Variants in NAV3 observed in about 807,000 individuals in gnomAD.
NAV3 encodes the protein pore membrane and/or filament interacting like protein 1.
A neutral mutation model predicts 244.7 loss-of-function variants in NAV3; 87 were observed. That is an observed-to-expected ratio of 0.36 (90% confidence interval 0.30 to 0.42). NAV3 has a LOEUF of 0.42. NAV3 is among the 20% of genes least tolerant of loss of function. NAV3 has a pLI of 1.00. For synonymous variants in NAV3, 1,126 were observed against 1,042.2 expected, an observed-to-expected ratio of 1.08 and a Z score of -1.55; for missense variants, 2,663 against 2,893.3, an observed-to-expected ratio of 0.92 and a Z score of 1.83.
At chr12:77,656,253 AT>A (rs1194614711) in intron 2 of NAV3, among the ~76,000 whole-genome samples, 3 of 139,226 alleles carry the variant, frequency 2.2e-5, no homozygotes, top group Non-Finnish European at 4.5e-5. Context: ...AAATAAAAGG[AT>A]GGAGGAAGAT....
At chr12:77,707,680 A>G (rs1323176116) in intron 2 of NAV3, among the ~76,000 whole-genome samples, 3 of 152,224 alleles carry the variant, frequency 2.0e-5, no homozygotes, top group Non-Finnish European at 4.4e-5. Context: ...TCCCACCAAC[A>G]GTGTAAAAGT....
In NAV3 at chr12:77,831,623, T is replaced by A. The variant is rs1208861969; in HGVS notation, c.162T>A (p.Cys54Ter). 6.2e-7 allele frequency: 1 copy of A among 1,614,064 alleles called. No homozygotes were observed. Among genetic ancestry groups the A allele is most frequent in the East Asian group, 2.2e-5 (1 of 44,864 alleles). ...LTETESSMLS[C>*]QLALKSTCEF... ...AAACAGAGAGCTCCATGCTTTCTTG[T>A]CAGCTTGCGTTAAAATCAACCTGTG... The change falls in exon 1 of 40, where the codon TGT becomes TGA. Residue 54 changes from cysteine (C) to a stop codon, truncating the protein, a stop_gained. Coordinates refer to ENST00000397909, the MANE Select transcript of NAV3 (RefSeq NM_001024383.2). LOFTEE classifies it high-confidence loss of function.
At chr12:78,073,267 T>C (rs1378291688) in intron 12 of NAV3, among the ~76,000 whole-genome samples, 4 of 134,704 alleles carry the variant, frequency 3.0e-5, no homozygotes, top group African/African-American at 1.1e-4. Context: ...GCAGACGACA[T>C]GATTGTATAT....
chr12:77,834,932 A>G (rs756737711), intron 1 of NAV3, among the ~76,000 whole-genome samples: 1 of 152,222 alleles, frequency 6.6e-6, no homozygotes, highest in Non-Finnish European at 1.5e-5. Context: ...CGAACAAGGT[A>G]GTTATATTAG....
chr12:78,028,221 G>A (rs183596413), intron 9 of NAV3, among the ~76,000 whole-genome samples: 159 of 152,168 alleles, frequency 1.0e-3, no homozygotes, highest in South Asian at 2.7e-3. Context: ...TCAGTGTCAC[G>A]GTGTACACAT....
At chr12:77,712,183 C>A (rs74106516) in intron 2 of NAV3, among the ~76,000 whole-genome samples, 17 of 152,040 alleles carry the variant, frequency 1.1e-4, no homozygotes, top group African/African-American at 4.1e-4. Context: ...CCTTTCAGAG[C>A]GAAAGGGTTA....
At chr12:77,576,991 T>C (rs1295182754) in intron 2 of NAV3, among the ~76,000 whole-genome samples, 9 of 152,150 alleles carry the variant, frequency 5.9e-5, no homozygotes, top group Non-Finnish European at 1.0e-4. Context: ...GAATGAATTG[T>C]AGTGTCAGTT....
chr12:78,018,030 G>T lies in NAV3; in HGVS notation c.1908-3717G>T, dbSNP rs575512624. On this transcript the variant is annotated intron_variant, in intron 8 of 39. Coordinates refer to ENST00000397909, the MANE Select transcript of NAV3 (RefSeq NM_001024383.2). Reference sequence around the variant, plus strand: ...AATATAAAGCAAGGATGACTTCTAAGTCCTTTTTACAGTGATTTGAAGTTT... The same window carrying T: ...AATATAAAGCAAGGATGACTTCTAATTCCTTTTTACAGTGATTTGAAGTTT... 2.0e-5 allele frequency among the ~76,000 whole-genome samples: 3 copies of T among 152,246 alleles called. No homozygotes were observed. The East Asian group carries it at 5.8e-4, about 29-fold the overall frequency.
intron 16 of NAV3, among the ~76,000 whole-genome samples, chr12:78,125,202 T>A (rs1246497783): frequency 6.6e-6 from 1 of 152,016 alleles, no homozygotes; most frequent in Non-Finnish European, 1.5e-5. Flanking sequence ...AGAGAGAAAA[T>A]GTGTTAATGT....
At chr12:78,148,695 G>A (rs966810614) in intron 21 of NAV3, 147 bp from the exon 22 acceptor site, 10 of 632,368 alleles carry the variant, frequency 1.6e-5, no homozygotes, top group Non-Finnish European at 2.2e-5. Flanking sequence ...TGTGGAGTCA[G>A]TGTTCATATC....
chr12:77,991,960 G>A (rs1871515604), intron 5 of NAV3, among the ~76,000 whole-genome samples: 1 of 152,052 alleles, frequency 6.6e-6, no homozygotes, highest in Non-Finnish European at 1.5e-5. Flanking sequence ...GAACCCAGGA[G>A]GTGGAGGTTG....
intron 5 of NAV3, among the ~76,000 whole-genome samples, chr12:77,988,846 T>A (rs1028903759): frequency 6.6e-6 from 1 of 152,188 alleles, no homozygotes; most frequent in African/African-American, 2.4e-5. Flanking sequence ...CTCACCTGGT[T>A]TGTTACTAAT....
intron 12 of NAV3, among the ~76,000 whole-genome samples, chr12:78,109,728 T>G (rs555918666): frequency 6.6e-6 from 1 of 151,412 alleles, no homozygotes; most frequent in Non-Finnish European, 1.5e-5. Context: ...CAGAAAAAAA[T>G]TTTTGATAAA....
chr12:77,806,321 C>G (rs1351921501), intron 2 of NAV3, among the ~76,000 whole-genome samples: 1 of 152,184 alleles, frequency 6.6e-6, no homozygotes, highest in East Asian at 1.9e-4. Flanking sequence ...AAATTCCCCT[C>G]TAAACACTGC....
Position 78,007,093 on chromosome 12 carries a change from A to G in NAV3, c.1555A>G (p.Ser519Gly), listed in dbSNP as rs1464334780. ...CAAGACAACAGCAGCTAAGAAGGAA[A>G]GCTTAATTCCGTCTTCCAGTGGTAT... ...GSKTTAAKKESLIPSSSGIPK... is the reference protein window; with the variant it reads ...GSKTTAAKKEGLIPSSSGIPK... Residue 519 changes from serine (S) to glycine (G), a missense_variant, in exon 8 of 40, where the codon AGC becomes GGC. Ser to Gly is a moderately conservative substitution (Grantham distance 56). Around this residue, in one of 6 missense-constraint regions of NAV3, gnomAD observed 1,521 missense variants for 1,497.0 expected, o/e 1.02. Transcript: ENST00000397909. The G allele has an allele frequency of 1.9e-6, 3 of 1,614,198 alleles. No homozygotes were observed. Among genetic ancestry groups the G allele is most frequent in the Non-Finnish European group, 2.5e-6 (3 of 1,180,030 alleles).
chr12:78,106,719 C>T (rs1326834961), intron 12 of NAV3, among the ~76,000 whole-genome samples: 1 of 152,162 alleles, frequency 6.6e-6, no homozygotes, highest in Non-Finnish European at 1.5e-5. Flanking sequence ...CCCACTGCTG[C>T]AGCTACCAGC....
chr12:78,206,773 C>T (rs142632945), intron 39 of NAV3, among the ~76,000 whole-genome samples: 86 of 151,458 alleles, frequency 5.7e-4, no homozygotes, highest in African/African-American at 2.0e-3. Context: ...TGGTAAAAGA[C>T]GTCATCTAAA....
Position 77,831,846 on chromosome 12 carries a change from T to C in NAV3, c.243+142T>C, listed in dbSNP as rs1441024032. The stretch of plus-strand genomic sequence containing the variant: ...TAAGTAGTTATAATGGCTGAAAAGC[T>C]GAATATTTAGCTTATGTAAACACTG... On this transcript the variant is annotated intron_variant, in intron 1 of 39. Coordinates refer to ENST00000397909, the MANE Select transcript of NAV3 (RefSeq NM_001024383.2). 5 of 969,598 alleles carry C rather than the reference T, an allele frequency of 5.2e-6. No individual in the cohort carries two copies. In the East Asian group the frequency reaches 1.4e-4, roughly 27 times the overall value. 60.1% of individuals were successfully genotyped at this position (969,598 alleles called of 1,614,324 possible).
At chr12:77,821,338 A>G (rs1267821417) in intron 2 of NAV3, among the ~76,000 whole-genome samples, 1 of 152,224 alleles carries the variant, frequency 6.6e-6, no homozygotes, top group Non-Finnish European at 1.5e-5. Context: ...TAGGCTAATT[A>G]TAGTGTTACC....
Sources: gnomAD v4.1 joint callset for allele counts (sites outside exome capture counted in the v4.1 genomes callset) on GRCh38, gnomAD v4.1.1 for gene constraint, gnomAD v4.1.1 regional missense constraint, MANE v1.5 for transcripts, NCBI Gene and HGNC (gene_info 2026-07-23, HGNC 2026-07-21) for gene names.